SAMMSON: variants seen among roughly 807,000 people sequenced by gnomAD.
The protein encoded by SAMMSON is long intergenic non-protein coding RNA 1212.
intron 4 of SAMMSON, among the ~76,000 whole-genome samples, chr3:70,130,958 G>A (rs1035105731): frequency 5.9e-5 from 9 of 152,164 alleles, no homozygotes; most frequent in African/African-American, 2.2e-4. Flanking sequence ...ACTAGGTTTT[G>A]GGATAGTTTA....
At chr3:70,121,148 A>T (rs962547721) in intron 4 of SAMMSON, among the ~76,000 whole-genome samples, 1 of 152,132 alleles carries the variant, frequency 6.6e-6, no homozygotes, top group South Asian at 2.1e-4. Context: ...TAAGAATCTA[A>T]CGCCACTGCT....
intron 6 of SAMMSON, among the ~76,000 whole-genome samples, chr3:70,285,986 A>T (rs1702158110): frequency 6.6e-6 from 1 of 151,076 alleles, no homozygotes; most frequent in Non-Finnish European, 1.5e-5. Flanking sequence ...AGGTTGTGAA[A>T]ATTTTCTCCC....
chr3:70,308,106 C>G (rs548259347), intron 7 of SAMMSON, among the ~76,000 whole-genome samples: 1 of 152,284 alleles, frequency 6.6e-6, no homozygotes, highest in African/African-American at 2.4e-5. Flanking sequence ...GGCTGTAGTA[C>G]AGTGGTGTGA....
chr3:70,313,125 A>G (rs888416382), intron 7 of SAMMSON, among the ~76,000 whole-genome samples: 1 of 152,162 alleles, frequency 6.6e-6, no homozygotes, highest in African/African-American at 2.4e-5. Context: ...GGAGTTTGGA[A>G]TAACATTCCA....
At chr3:70,335,364 G>C (rs1702653332) in intron 7 of SAMMSON, among the ~76,000 whole-genome samples, 1 of 151,900 alleles carries the variant, frequency 6.6e-6, no homozygotes, top group Admixed American at 6.6e-5. Flanking sequence ...GTTATGTTAA[G>C]CAGAACAAAA....
chr3:70,152,565 T>C (rs1001304059), intron 4 of SAMMSON, among the ~76,000 whole-genome samples: 1 of 152,098 alleles, frequency 6.6e-6, no homozygotes, highest in African/African-American at 2.4e-5. Flanking sequence ...AGGTGCTTTA[T>C]TATCTAACCC....
chr3:70,426,000 T>C (rs796492557), intron 2 of SAMMSON, among the ~76,000 whole-genome samples: 6 of 152,304 alleles, frequency 3.9e-5, no homozygotes, highest in African/African-American at 1.4e-4. Context: ...TAGCTCCTGT[T>C]GAAAACTTAA....
chr3:70,147,044 A>G (rs2067551796), intron 4 of SAMMSON, among the ~76,000 whole-genome samples: 1 of 152,036 alleles, frequency 6.6e-6, no homozygotes, highest in Non-Finnish European at 1.5e-5. Context: ...TAGGAAACCA[A>G]AATTTAAAAA....
chr3:70,326,941 C>G lies in SAMMSON; in HGVS notation n.740-27234C>G, dbSNP rs142922137. On this transcript the variant is annotated intron_variant and non_coding_transcript_variant, in intron 7 of 9. Transcript: ENST00000642114. ...TGGTGCAATCTTGTTTCACTGCAGTCTCTGCCTTCTGGGTTTAAGAAATTC... is the reference window on the plus strand; with the variant it reads ...TGGTGCAATCTTGTTTCACTGCAGTGTCTGCCTTCTGGGTTTAAGAAATTC... Among the ~76,000 whole-genome samples the G allele has an allele frequency of 2.6e-4, 40 of 152,272 alleles. 1 individual carries two copies. Among genetic ancestry groups the G allele is most frequent in the African/African-American group, 8.9e-4 (37 of 41,558 alleles).
At chr3:70,299,625 A>G (rs7634433) in intron 7 of SAMMSON, among the ~76,000 whole-genome samples, 31,551 of 151,970 alleles carry the variant, frequency 0.21, 3,458 homozygotes, top group South Asian at 0.28. Context: ...CATTGCCCTG[A>G]AAACCAATAT....
chr3:70,334,296 T>G (rs1702646066), intron 7 of SAMMSON, among the ~76,000 whole-genome samples: 1 of 149,364 alleles, frequency 6.7e-6, no homozygotes, highest in Admixed American at 6.6e-5. Flanking sequence ...AGGAGAAAAT[T>G]TAAAATATGG....
intron 4 of SAMMSON, among the ~76,000 whole-genome samples, chr3:70,213,393 G>A (rs1181959247): frequency 6.6e-6 from 1 of 152,076 alleles, no homozygotes; most frequent in Non-Finnish European, 1.5e-5. Context: ...TTTAATTTTA[G>A]TTCTAGGCCA....
intron 7 of SAMMSON, among the ~76,000 whole-genome samples, chr3:70,298,357 C>T (rs1467308778): frequency 2.0e-5 from 3 of 152,050 alleles, no homozygotes; most frequent in African/African-American, 7.2e-5. Flanking sequence ...CTCTCCTCCA[C>T]CAGCCATGTT....
intron 3 of SAMMSON, among the ~76,000 whole-genome samples, chr3:70,070,932 TA>T (rs1002895369): frequency 6.6e-6 from 1 of 152,000 alleles, no homozygotes; most frequent in Non-Finnish European, 1.5e-5. Flanking sequence ...CGTCTGAGCT[TA>T]AAAAGGGGTT....
intron 4 of SAMMSON, among the ~76,000 whole-genome samples, chr3:70,186,186 C>T (rs555603963): frequency 6.6e-6 from 1 of 152,172 alleles, no homozygotes; most frequent in African/African-American, 2.4e-5. Context: ...GTTTTCTTTA[C>T]TTCAAATGAC....
At chr3:70,081,864 G>T (rs908491407) in intron 4 of SAMMSON, among the ~76,000 whole-genome samples, 1 of 152,204 alleles carries the variant, frequency 6.6e-6, no homozygotes, top group Admixed American at 6.5e-5. Context: ...AATTGAAAGT[G>T]TGACACCACA....
chr3:70,078,429 G>A (rs1417733216), intron 4 of SAMMSON, among the ~76,000 whole-genome samples: 1 of 152,070 alleles, frequency 6.6e-6, no homozygotes, highest in Non-Finnish European at 1.5e-5. Flanking sequence ...GAGTGGCAAT[G>A]TGGTGGCCCT....
At chr3:70,213,329 A>G (rs1462733623) in intron 4 of SAMMSON, among the ~76,000 whole-genome samples, 1 of 152,142 alleles carries the variant, frequency 6.6e-6, no homozygotes, top group Non-Finnish European at 1.5e-5. Context: ...TGTGAGCAGT[A>G]AACTCCAGAA....
intron 4 of SAMMSON, among the ~76,000 whole-genome samples, chr3:70,079,721 A>G (rs1049612157): frequency 1.3e-5 from 2 of 152,194 alleles, no homozygotes; most frequent in Non-Finnish European, 2.9e-5. Context: ...GACTTACGGT[A>G]CTTTCAACTT....
Sources: gnomAD v4.1 joint callset for allele counts (sites outside exome capture counted in the v4.1 genomes callset) on GRCh38, gnomAD v4.1.1 for gene constraint, MANE v1.5 for transcripts, NCBI Gene and HGNC (gene_info 2026-07-23, HGNC 2026-07-21) for gene names.